Variants in ZNF277 observed in about 807,000 individuals in gnomAD.
The protein encoded by ZNF277 is nuclear receptor-interacting factor 4.
ZNF277 carries 55 observed loss-of-function variants against 60.7 expected under a neutral mutation model. The observed-to-expected ratio is 0.91, with a 90% CI of 0.73 to 1.13. The LOEUF is 1.13. ZNF277 is among the 50% of genes most tolerant of loss of function. The pLI is 0.00. For synonymous variants in ZNF277, 178 were observed against 179.3 expected, an observed-to-expected ratio of 0.99 and a Z score of 0.06; for missense variants, 510 against 523.0, an observed-to-expected ratio of 0.98 and a Z score of 0.24.
intron 1 of ZNF277, among the ~76,000 whole-genome samples, chr7:112,248,165 G>T (rs981081039): frequency 3.9e-5 from 6 of 152,036 alleles, no homozygotes; most frequent in African/African-American, 9.7e-5. Context: ...TGTGTTTCTG[G>T]TTGTCAGGGA....
chr7:112,242,862 G>A (rs769151692), intron 1 of ZNF277, among the ~76,000 whole-genome samples: 5 of 151,906 alleles, frequency 3.3e-5, no homozygotes, highest in Non-Finnish European at 7.4e-5. Context: ...AATAGCCAAA[G>A]CAATCCTAAG....
At chr7:112,226,560 T>G (rs1351535735) in intron 1 of ZNF277, among the ~76,000 whole-genome samples, 2 of 152,206 alleles carry the variant, frequency 1.3e-5, no homozygotes, top group African/African-American at 4.8e-5. Context: ...AACAAAAAAG[T>G]TTCCTAAGTA....
At chr7:112,335,881 T>G (rs1156983661) in intron 7 of ZNF277, among the ~76,000 whole-genome samples, 6 of 152,186 alleles carry the variant, frequency 3.9e-5, no homozygotes, top group African/African-American at 7.2e-5. Flanking sequence ...TCATTAAGGT[T>G]TCAACTTCAT....
rs542000170 is a variant in ZNF277 at position 112,210,052 on chromosome 7, C to T, written c.91+3245C>T. ...TAGGAGAAATACCTAATGTAAATGA[C>T]GAGTTAATGGGTGCAGCAAACCAAT... On this transcript the variant is annotated intron_variant, in intron 1 of 11. Coordinates refer to ENST00000361822, the MANE Select transcript of ZNF277 (RefSeq NM_021994.3). 1.3e-4 allele frequency among the ~76,000 whole-genome samples: 20 copies of T among 152,106 alleles called. 1 individual carries two copies. Among genetic ancestry groups the T allele is most frequent in the African/African-American group, 3.4e-4 (14 of 41,474 alleles).
rs1414233427 is a variant in ZNF277 at position 112,337,798 on chromosome 7, C to A, written c.938C>A (p.Thr313Lys). 6.2e-7 allele frequency: 1 copy of A among 1,611,920 alleles called. No individual in the cohort carries two copies. Among genetic ancestry groups the A allele is most frequent in the Non-Finnish European group, 8.5e-7 (1 of 1,179,354 alleles). ...VCLFCEKQAE[T>K]IEKLYVHMED... is the part of the protein sequence containing the mutation. ...TTATTTTGTGAAAAGCAAGCAGAAA[C>A]AATTGAGAAGTTGTATGTCCACATG... The change falls in exon 9 of 12, where the codon ACA (threonine) becomes AAA (lysine). Residue 313 changes from threonine to lysine, a missense_variant. Transcript: ENST00000361822.
intron 4 of ZNF277, among the ~76,000 whole-genome samples, chr7:112,302,653 T>C (rs1005315815): frequency 1.3e-5 from 2 of 152,056 alleles, no homozygotes; most frequent in African/African-American, 2.4e-5. Flanking sequence ...TAAAACGATA[T>C]TATTCTGAGT....
intron 1 of ZNF277, among the ~76,000 whole-genome samples, chr7:112,268,921 T>A (rs1316398471): frequency 6.6e-6 from 1 of 152,182 alleles, no homozygotes; most frequent in Non-Finnish European, 1.5e-5. Flanking sequence ...GTTTCTTCAC[T>A]TTTAAGATTC....
chr7:112,217,158 C>T (rs1477485518), intron 1 of ZNF277, among the ~76,000 whole-genome samples: 1 of 152,118 alleles, frequency 6.6e-6, no homozygotes, highest in East Asian at 1.9e-4. Context: ...GTACATATTA[C>T]AAGGTAGAAA....
At chr7:112,292,836 A>G (rs759080247) in intron 2 of ZNF277, among the ~76,000 whole-genome samples, 11 of 152,286 alleles carry the variant, frequency 7.2e-5, no homozygotes, top group Middle Eastern at 6.8e-3. Flanking sequence ...CGCTATTAAT[A>G]TAACTATTTT....
chr7:112,298,298 A>G (rs2117080517), intron 4 of ZNF277, among the ~76,000 whole-genome samples: 1 of 152,316 alleles, frequency 6.6e-6, no homozygotes, highest in South Asian at 2.1e-4. Flanking sequence ...AATAAATATT[A>G]GCCAATAAAA....
intron 1 of ZNF277, among the ~76,000 whole-genome samples, chr7:112,263,407 C>G (rs866698920): frequency 2.0e-4 from 30 of 152,302 alleles, no homozygotes; most frequent in Middle Eastern, 6.8e-3. Context: ...ATTCTTACTA[C>G]TTAACAATAA....
At chr7:112,252,900 T>C (rs1791229857) in intron 1 of ZNF277, among the ~76,000 whole-genome samples, 3 of 152,100 alleles carry the variant, frequency 2.0e-5, no homozygotes, top group African/African-American at 4.8e-5. Context: ...CTAGATGTAG[T>C]GTCTTAGGAA....
chr7:112,341,475 G>A (rs1388256423), intron 11 of ZNF277, among the ~76,000 whole-genome samples: 1 of 152,138 alleles, frequency 6.6e-6, no homozygotes, highest in African/African-American at 2.4e-5. Flanking sequence ...TAATGATACA[G>A]TGAATCTATA....
intron 1 of ZNF277, among the ~76,000 whole-genome samples, chr7:112,237,008 G>A (rs992923168): frequency 6.6e-6 from 1 of 152,034 alleles, no homozygotes; most frequent in Non-Finnish European, 1.5e-5. Context: ...GTAAATTTTT[G>A]AAAATCAAGA....
intron 5 of ZNF277, among the ~76,000 whole-genome samples, chr7:112,326,773 A>G (rs1793102216): frequency 6.6e-6 from 1 of 152,156 alleles, no homozygotes; most frequent in Non-Finnish European, 1.5e-5. Context: ...TAAATAATCT[A>G]GATAAAACCA....
chr7:112,221,384 C>T (rs1330187063), intron 1 of ZNF277, among the ~76,000 whole-genome samples: 4 of 152,178 alleles, frequency 2.6e-5, no homozygotes, highest in Non-Finnish European at 5.9e-5. Flanking sequence ...GCCACCATCT[C>T]GGGAGCTCTG....
chr7:112,303,468 C>T (rs1410592634), intron 4 of ZNF277, among the ~76,000 whole-genome samples: 1 of 151,924 alleles, frequency 6.6e-6, no homozygotes, highest in Non-Finnish European at 1.5e-5. Context: ...CTGTACCTGA[C>T]CTTGAGTTTA....
chr7:112,273,041 A>G (rs1273927541), intron 1 of ZNF277, among the ~76,000 whole-genome samples: 2 of 152,156 alleles, frequency 1.3e-5, no homozygotes, highest in Non-Finnish European at 2.9e-5. Context: ...CAGGGGTGGC[A>G]CAAGCACTTC....
At chr7:112,336,208 T>C in intron 8 of ZNF277, 37 bp downstream of exon 8, 1 of 1,558,006 alleles carries the variant, frequency 6.4e-7, no homozygotes, top group Non-Finnish European at 8.8e-7. Context: ...ATTGCAGTGT[T>C]CCAAGAGTAA....
Sources: gnomAD v4.1 joint callset for allele counts (sites outside exome capture counted in the v4.1 genomes callset) on GRCh38, gnomAD v4.1.1 for gene constraint, MANE v1.5 for transcripts, NCBI Gene and HGNC (gene_info 2026-07-23, HGNC 2026-07-21) for gene names.